The following NOL8 variants were observed in gnomAD, a reference collection of about 807,000 sequenced individuals.
NOL8 encodes nucleolar protein 8.
NOL8 carries 93 observed loss-of-function variants against 116.1 expected under a neutral mutation model. The observed-to-expected ratio is 0.80, with a 90% CI of 0.68 to 0.95. NOL8 has a LOEUF of 0.95. Among genes scored for constraint, NOL8 ranks in the 40% least tolerant of loss-of-function variants. NOL8 has a pLI of 0.00. For synonymous variants in NOL8, 419 were observed against 469.0 expected (o/e 0.89, Z 1.38); for missense variants, 1,291 against 1,382.8 (o/e 0.93, Z 1.05).
intron 4 of NOL8, chr9:92,319,830 G>A (rs750487219): frequency 5.7e-6 from 2 of 350,224 alleles, no homozygotes; most frequent in Non-Finnish European, 1.1e-5. Flanking sequence ...CGGTTGGACA[G>A]CAGTGACAAG....
At chr9:92,323,262 T>G in intron 3 of NOL8, 179 bp downstream of exon 3, 1 of 1,503,248 alleles carries the variant, frequency 6.7e-7, no homozygotes, top group Non-Finnish European at 8.9e-7. Flanking sequence ...TGTCTGCTGA[T>G]GCCAAATGGA....
chr9:92,324,949 G>A (rs1344924638), intron 1 of NOL8: 1 of 152,158 alleles, frequency 6.6e-6, no homozygotes, highest in Non-Finnish European at 1.5e-5. Flanking sequence ...TCTACCTTCA[G>A]AACTTGGAAT....
chr9:92,314,291 C>T lies in NOL8; in HGVS notation c.2334G>A (p.Leu778=), dbSNP rs1839141787. The change falls in exon 7 of 17, where the codon CTG becomes CTA. Residue 778 remains leucine (L), a synonymous_variant. Transcript: ENST00000442668. ...CCAAATTTGCCAGAGCATTATGCACCAGCTTCTTCTGCACTTCTTTTGCTT... is the reference window on the plus strand; with the variant it reads ...CCAAATTTGCCAGAGCATTATGCACTAGCTTCTTCTGCACTTCTTTTGCTT... ...RQKAKEVQKK[L]VHNALANLDG... 3.8e-6 allele frequency: 6 copies of T among 1,586,612 alleles called. No individual in the cohort carries two copies. The East Asian group carries it at 1.4e-4, about 36-fold the overall frequency.
At chr9:92,311,371 C>A in intron 7 of NOL8, 112 bp from the exon 8 acceptor site, 2 of 652,830 alleles carry the variant, frequency 3.1e-6, no homozygotes, top group Admixed American at 3.0e-5. Context: ...AACTAAAGAG[C>A]TTCTGCACAG....
chr9:92,318,407 T>G (rs1839619940), intron 6 of NOL8, among the ~76,000 whole-genome samples: 1 of 152,232 alleles, frequency 6.6e-6, no homozygotes, highest in East Asian at 1.9e-4. Flanking sequence ...CCTGCTTCTT[T>G]GGCACTCATC....
rs759588984 is a variant in NOL8 at position 92,298,262 on chromosome 9, G to A, written c.3448C>T (p.Arg1150Cys). 7.5e-6 allele frequency: 12 copies of A among 1,602,156 alleles called. No homozygotes were observed. Among genetic ancestry groups the A allele is most frequent in the African/African-American group, 1.3e-5 (1 of 74,652 alleles). ...ATGGAGAAACAATTACTCACCATAC[G>A]CAGGTTGGTTGTTCTGGCCTCCCAA... is the stretch of plus-strand genomic sequence containing the variant. Reference protein sequence around the residue: ...NSWEARTTNLRMDCRKKHKDA... With the variant: ...NSWEARTTNLCMDCRKKHKDA... The change falls in exon 16 of 17, where the codon CGT becomes TGT. Residue 1150 changes from arginine to cysteine, a missense_variant. Physicochemically the swap from Arg to Cys is radical, Grantham distance 180. Transcript: ENST00000442668.
Position 92,310,133 on chromosome 9 carries a change from A to C in NOL8, c.2686+38T>G, listed in dbSNP as rs1281080448. The C allele has an allele frequency of 4.9e-6, 7 of 1,432,434 alleles. No individual in the cohort carries two copies. The East Asian group carries it at 1.7e-4, about 34-fold the overall frequency. 88.7% of individuals were successfully genotyped at this position (1,432,434 alleles called of 1,614,324 possible). A position where few individuals can be genotyped will look rare whatever the true frequency, so the allele number is the denominator to read the frequency against. On this transcript the variant is annotated intron_variant, in intron 10 of 16. Coordinates refer to ENST00000442668, the MANE Select transcript of NOL8 (RefSeq NM_017948.6). Reference sequence around the variant, plus strand: ...TACTAGGTGATTTCTCAGTGTCCCCAGATATGACATCAGGACTCTGGACAA... The same window carrying C: ...TACTAGGTGATTTCTCAGTGTCCCCCGATATGACATCAGGACTCTGGACAA...
intron 7 of NOL8, among the ~76,000 whole-genome samples, chr9:92,313,742 C>T (rs1839076130): frequency 6.6e-6 from 1 of 152,192 alleles, no homozygotes; most frequent in South Asian, 2.1e-4. Flanking sequence ...TCCTACCACT[C>T]AGCTCAGACT....
chr9:92,314,120 C>T, intron 7 of NOL8, 147 bp downstream of exon 7: 2 of 1,240,096 alleles, frequency 1.6e-6, no homozygotes, highest in African/African-American at 1.5e-5. Flanking sequence ...TCAGATAAAC[C>T]AGATGAAAAA....
Position 92,310,629 on chromosome 9 carries a change from T to C in NOL8, c.2519A>G (p.Asp840Gly). 1 of 1,612,884 alleles carries C rather than the reference T, an allele frequency of 6.2e-7. No individual in the cohort carries two copies. Among genetic ancestry groups the C allele is most frequent in the Non-Finnish European group, 8.5e-7 (1 of 1,179,470 alleles). The change falls in exon 9 of 17, where the codon GAT becomes GGT. Residue 840 changes from aspartate (D) to glycine (G), a missense_variant. Physicochemically the swap from Asp to Gly is moderately conservative, Grantham distance 94. Coordinates refer to ENST00000442668, the MANE Select transcript of NOL8 (RefSeq NM_017948.6). Reference sequence around the variant, plus strand: ...GTCATCTTCAGAATCAGATTCGTCATCATCACTGCTATCAAACAGCTTCCC... The same window carrying C: ...GTCATCTTCAGAATCAGATTCGTCACCATCACTGCTATCAAACAGCTTCCC... ...TSGKLFDSSD[D>G]DESDSEDDSN...
intron 6 of NOL8, among the ~76,000 whole-genome samples, chr9:92,316,886 G>A (rs987986291): frequency 6.6e-6 from 1 of 152,232 alleles, no homozygotes; most frequent in Non-Finnish European, 1.5e-5. Flanking sequence ...TCGATGTGTT[G>A]TAATGATGGC....
chr9:92,309,524 G>A (rs571512923), intron 10 of NOL8, among the ~76,000 whole-genome samples: 28 of 152,194 alleles, frequency 1.8e-4, no homozygotes, highest in African/African-American at 6.7e-4. Context: ...GGGCAGAGAA[G>A]TTCTGAGATT....
chr9:92,310,116 G>C (rs1024495931), intron 10 of NOL8, 55 bp downstream of exon 10: 3 of 1,264,956 alleles, frequency 2.4e-6, no homozygotes, highest in Non-Finnish European at 3.4e-6. Context: ...TATACTAGGT[G>C]ATTTCTCAGT....
chr9:92,307,232 C>A (rs1838353210), intron 10 of NOL8, among the ~76,000 whole-genome samples: 1 of 152,280 alleles, frequency 6.6e-6, no homozygotes, highest in South Asian at 2.1e-4. Flanking sequence ...ATGAAAAGTC[C>A]TACTTCTGTT....
intron 6 of NOL8, among the ~76,000 whole-genome samples, chr9:92,316,683 C>T (rs1377115265): frequency 3.3e-5 from 5 of 152,168 alleles, no homozygotes; most frequent in African/African-American, 1.2e-4. Context: ...GGCCTGGGCA[C>T]GGTGGCTCAT....
rs760920494 is a variant in NOL8 at position 92,301,780 on chromosome 9, T to C, written c.2946A>G (p.Leu982=). 2 of 1,600,680 alleles carry C rather than the reference T, an allele frequency of 1.2e-6. No homozygotes were observed. The highest frequency in any genetic ancestry group is 1.3e-5 in the African/African-American group (1 of 74,724). The change falls in exon 13 of 17, where the codon CTA becomes CTG. Residue 982 remains leucine (L), a synonymous_variant. Transcript: ENST00000442668. ...AATACATTTCTTTAGACACCTCAGG[T>C]AGTTTCTCAGCTTCCTCCCTTTTCT... ...RKKKREEAEK[L]PEVSKEMYYN...
In NOL8 at chr9:92,314,988, G is replaced by A. The variant is rs753050508; in HGVS notation, c.1637C>T (p.Ala546Val). ...GTTCTCCTCTCCTTCTAACAGGGAA[G>A]CCACAATCTCCGCAGGACGAATACA... is the stretch of plus-strand genomic sequence containing the variant. ...RQCIRPAEIV[A>V]SLLEGEENTC... The change falls in exon 7 of 17, where the codon GCT becomes GTT. Residue 546 changes from alanine to valine, a missense_variant. Physicochemically the swap from Ala to Val is moderately conservative, Grantham distance 64. Coordinates refer to ENST00000442668, the MANE Select transcript of NOL8 (RefSeq NM_017948.6). The A allele has an allele frequency of 1.2e-6, 2 of 1,614,014 alleles. No homozygotes were observed. Among genetic ancestry groups the A allele is most frequent in the African/African-American group, 2.7e-5 (2 of 75,050 alleles).
At chr9:92,322,215 G>A (rs11792916) in intron 3 of NOL8, among the ~76,000 whole-genome samples, 17,408 of 152,168 alleles carry the variant, frequency 0.11, 1,049 homozygotes, top group Middle Eastern at 0.15. Flanking sequence ...AATTATCACT[G>A]TAGAACTTGC....
chr9:92,314,696 C>G lies in NOL8; in HGVS notation c.1929G>C (p.Gln643His). ...AKKANGPNYI[Q>H]PQKRQTTFES... ...CAAAAGTGGTCTGTCTTTTTTGAGG[C>G]TGAATATAGTTTGGGCCATTCGCCT... is the stretch of plus-strand genomic sequence containing the variant. Residue 643 changes from glutamine to histidine, a missense_variant, in exon 7 of 17, where the codon CAG becomes CAC. By Grantham distance (24) the Gln-to-His change is conservative. Transcript: ENST00000442668. 1.2e-6 allele frequency: 2 copies of G among 1,613,706 alleles called. No homozygotes were observed. Among genetic ancestry groups the G allele is most frequent in the South Asian group, 1.1e-5 (1 of 90,992 alleles).
Sources: gnomAD v4.1 joint callset for allele counts (sites outside exome capture counted in the v4.1 genomes callset) on GRCh38, gnomAD v4.1.1 for gene constraint, MANE v1.5 for transcripts, NCBI Gene and HGNC (gene_info 2026-07-23, HGNC 2026-07-21) for gene names.